GPC6: variants seen among roughly 807,000 people sequenced by gnomAD.
GPC6 encodes the protein glypican-6.
In GPC6, 14 loss-of-function variants were observed where a neutral mutation model predicts 55.2. The observed-to-expected ratio is 0.25, with a 90% CI of 0.17 to 0.40. The LOEUF is 0.40. GPC6 is among the 10% of genes least tolerant of loss of function. The pLI is 1.00. For synonymous variants in GPC6, 278 were observed against 259.6 expected, an observed-to-expected ratio of 1.07 and a Z score of -0.68; for missense variants, 641 against 708.5, an observed-to-expected ratio of 0.90 and a Z score of 1.08.
intron 2 of GPC6, among the ~76,000 whole-genome samples, chr13:93,660,437 T>C (rs1880875516): frequency 6.6e-6 from 1 of 152,190 alleles, no homozygotes; most frequent in African/African-American, 2.4e-5. Context: ...AAGTGTTAAA[T>C]TCTTTATTGT....
intron 4 of GPC6, among the ~76,000 whole-genome samples, chr13:94,277,295 C>G (rs1174535156): frequency 6.6e-6 from 1 of 150,472 alleles, no homozygotes; most frequent in Non-Finnish European, 1.5e-5. Flanking sequence ...TTTTCTTGTA[C>G]ATTTTTTTAA....
intron 1 of GPC6, among the ~76,000 whole-genome samples, chr13:93,531,893 A>G (rs959351671): frequency 6.6e-6 from 1 of 152,152 alleles, no homozygotes; most frequent in Non-Finnish European, 1.5e-5. Context: ...CCTGCTCCAC[A>G]TGATTTTCAC....
At chr13:93,548,732 A>G (rs547925765) in intron 2 of GPC6, among the ~76,000 whole-genome samples, 3 of 152,316 alleles carry the variant, frequency 2.0e-5, no homozygotes, top group South Asian at 4.1e-4. Flanking sequence ...CTAAGTTTCT[A>G]TGCTTAGCTC....
intron 2 of GPC6, among the ~76,000 whole-genome samples, chr13:93,620,067 CT>C (rs5805814): frequency 0.038 from 5,792 of 152,150 alleles, 371 homozygotes; most frequent in African/African-American, 0.13. Flanking sequence ...TTCTGAAGGA[CT>C]TTATGCCTTT....
intron 3 of GPC6, among the ~76,000 whole-genome samples, chr13:93,945,689 A>G (rs1401413172): frequency 6.6e-6 from 1 of 152,190 alleles, no homozygotes; most frequent in South Asian, 2.1e-4. Context: ...ATGTTGCAGA[A>G]GTTGTGGATG....
intron 4 of GPC6, among the ~76,000 whole-genome samples, chr13:94,144,211 G>T (rs1306887308): frequency 6.6e-6 from 1 of 152,004 alleles, no homozygotes; most frequent in African/African-American, 2.4e-5. Flanking sequence ...ACCACAGAGG[G>T]CAGGGTCTGT....
At chr13:93,259,601 A>T (rs977333667) in intron 1 of GPC6, among the ~76,000 whole-genome samples, 8 of 151,344 alleles carry the variant, frequency 5.3e-5, no homozygotes, top group Non-Finnish European at 1.0e-4. Context: ...TGTTTGTCTT[A>T]TTTTTCCTGT....
At chr13:93,941,803 C>T (rs985428085) in intron 3 of GPC6, among the ~76,000 whole-genome samples, 11 of 152,138 alleles carry the variant, frequency 7.2e-5, no homozygotes, top group African/African-American at 2.4e-4. Context: ...GTCTCCAGGG[C>T]ATTATCCTAG....
intron 2 of GPC6, among the ~76,000 whole-genome samples, chr13:93,598,621 C>G (rs1877874460): frequency 6.6e-6 from 1 of 152,040 alleles, no homozygotes; most frequent in African/African-American, 2.4e-5. Context: ...ATTATTAAAC[C>G]TACTTTTGAG....
chr13:94,102,381 C>T (rs1431306902), intron 4 of GPC6, among the ~76,000 whole-genome samples: 1 of 152,108 alleles, frequency 6.6e-6, no homozygotes, highest in Non-Finnish European at 1.5e-5. Context: ...AGCCCTGTAA[C>T]CTTATGTGGC....
chr13:93,760,118 A>AT (rs1884910242), intron 2 of GPC6, among the ~76,000 whole-genome samples: 1 of 152,088 alleles, frequency 6.6e-6, no homozygotes, highest in Admixed American at 6.5e-5. Context: ...AATGAAATTG[A>AT]TTTTTTACAG....
At chr13:94,276,805 T>A (rs909527763) in intron 4 of GPC6, among the ~76,000 whole-genome samples, 4 of 152,192 alleles carry the variant, frequency 2.6e-5, no homozygotes, top group East Asian at 3.9e-4. Context: ...TTCCATGGTG[T>A]ATATGTACCA....
At chr13:93,410,960 T>G (rs1566342400) in intron 1 of GPC6, among the ~76,000 whole-genome samples, 1 of 152,210 alleles carries the variant, frequency 6.6e-6, no homozygotes, top group Non-Finnish European at 1.5e-5. Context: ...TTGCAATGAT[T>G]GCATCCATAT....
chr13:94,132,285 A>G (rs149160157), intron 4 of GPC6, among the ~76,000 whole-genome samples: 10 of 152,204 alleles, frequency 6.6e-5, no homozygotes, highest in East Asian at 3.9e-4. Context: ...GTGTAGTTAT[A>G]TTTCCCTGAA....
chr13:94,330,903 G>A (rs909280162), intron 6 of GPC6, among the ~76,000 whole-genome samples: 8 of 151,742 alleles, frequency 5.3e-5, no homozygotes, highest in South Asian at 2.1e-4. Flanking sequence ...GTTTTCTTAA[G>A]AGGCTGATTG....
chr13:94,177,444 T>C (rs1888818162), intron 4 of GPC6, among the ~76,000 whole-genome samples: 1 of 152,092 alleles, frequency 6.6e-6, no homozygotes, highest in Non-Finnish European at 1.5e-5. Flanking sequence ...TTTTTCACAA[T>C]GAGCCCTTTA....
intron 4 of GPC6, among the ~76,000 whole-genome samples, chr13:94,087,522 C>A (rs955906703): frequency 3.9e-5 from 6 of 152,162 alleles, no homozygotes; most frequent in Non-Finnish European, 7.3e-5. Context: ...TTATTAAGAT[C>A]CCAATATGTT....
At chr13:93,404,729 A>G (rs936811868) in intron 1 of GPC6, among the ~76,000 whole-genome samples, 25 of 152,288 alleles carry the variant, frequency 1.6e-4, no homozygotes, top group African/African-American at 5.8e-4. Flanking sequence ...TAAAATTCCT[A>G]TTCCCTATAA....
rs199723105 is a variant in GPC6, at chr13:93,262,706, G to GT, written c.160+35093dup. On this transcript the variant is annotated intron_variant, in intron 1 of 8. Coordinates refer to ENST00000377047, the MANE Select transcript of GPC6 (RefSeq NM_005708.5). Reference sequence around the variant, plus strand: ...TTTCAGTGTATAAGGACTTGCCTCAGTTTCCCCCCACACCCCCAAGTTGCA... The same window carrying GT: ...TTTCAGTGTATAAGGACTTGCCTCAGTTTTCCCCCCACACCCCCAAGTTGCA... Among the ~76,000 whole-genome samples, 298 of 152,234 alleles carry GT rather than the reference G, an allele frequency of 2.0e-3. 1 individual carries two copies. The highest frequency in any genetic ancestry group is 7.1e-3 in the African/African-American group (294 of 41,552).
Sources: gnomAD v4.1 joint callset for allele counts (sites outside exome capture counted in the v4.1 genomes callset) on GRCh38, gnomAD v4.1.1 for gene constraint, MANE v1.5 for transcripts, NCBI Gene and HGNC (gene_info 2026-07-23, HGNC 2026-07-21) for gene names.